Variants in ADAMTSL1 observed in about 807,000 individuals in gnomAD.
The protein encoded by ADAMTSL1 is ADAMTS-like protein 1.
A neutral mutation model predicts 201.8 loss-of-function variants in ADAMTSL1; 126 were observed. That is an observed-to-expected ratio of 0.62 (90% CI 0.54 to 0.72). ADAMTSL1 has a LOEUF of 0.72. Among genes scored for constraint, ADAMTSL1 ranks in the 30% least tolerant of loss-of-function variants. ADAMTSL1 has a pLI of 0.00. For synonymous variants in ADAMTSL1, 1,121 were observed against 903.4 expected (o/e 1.24, Z -4.32); for missense variants, 2,679 against 2,277.8 (o/e 1.18, Z -3.59).
chr9:18,776,627 G>A (rs1297745278), intron 18 of ADAMTSL1, among the ~76,000 whole-genome samples, 154 bp from the exon 19 acceptor site: 1 of 152,194 alleles, frequency 6.6e-6, no homozygotes. Flanking sequence ...AAACCCCGAA[G>A]AATACTTTCT....
chr9:17,943,533 G>C (rs1234387648), intron 1 of ADAMTSL1, among the ~76,000 whole-genome samples: 1 of 152,036 alleles, frequency 6.6e-6, no homozygotes, highest in African/African-American at 2.4e-5. Context: ...TTTGATATTT[G>C]ATCTGGGCAT....
intron 2 of ADAMTSL1, among the ~76,000 whole-genome samples, chr9:18,352,203 T>C (rs1360534914): frequency 6.6e-6 from 1 of 152,242 alleles, no homozygotes; most frequent in Non-Finnish European, 1.5e-5. Flanking sequence ...ATACTATAGA[T>C]ACTGATGCTA....
intron 1 of ADAMTSL1, among the ~76,000 whole-genome samples, chr9:18,112,126 G>A (rs1825050615): frequency 6.6e-6 from 1 of 152,006 alleles, no homozygotes; most frequent in Non-Finnish European, 1.5e-5. Context: ...CCCTGTTCTA[G>A]GATCCTACTC....
intron 2 of ADAMTSL1, among the ~76,000 whole-genome samples, chr9:18,165,740 G>T (rs116880951): frequency 0.016 from 2,430 of 151,986 alleles, 39 homozygotes; most frequent in South Asian, 0.025. Flanking sequence ...CCCAATAAGT[G>T]TGTGAAATTC....
intron 4 of ADAMTSL1, among the ~76,000 whole-genome samples, chr9:18,596,466 A>T (rs1176739407): frequency 1.3e-5 from 2 of 152,142 alleles, no homozygotes; most frequent in Non-Finnish European, 2.9e-5. Context: ...AATGAAAGCC[A>T]ATATTTATTT....
At chr9:18,027,794 A>C (rs1345806825) in intron 1 of ADAMTSL1, among the ~76,000 whole-genome samples, 1 of 152,000 alleles carries the variant, frequency 6.6e-6, no homozygotes, top group Non-Finnish European at 1.5e-5. Flanking sequence ...TGCCTCAATG[A>C]TCTAATGCTG....
rs1047755308 is a variant in ADAMTSL1 at position 17,955,690 on chromosome 9, C to G, written c.87+48768C>G. On this transcript the variant is annotated intron_variant, in intron 1 of 29. Transcript: ENST00000680146. Reference sequence around the variant, plus strand: ...AGATGTTATCTGCATGTCAGTCACTCATTAGCCAATTCAGTTATTAGATTA... The same window carrying G: ...AGATGTTATCTGCATGTCAGTCACTGATTAGCCAATTCAGTTATTAGATTA... 2.6e-5 allele frequency among the ~76,000 whole-genome samples: 4 copies of G among 152,184 alleles called. No individual in the cohort carries two copies. In the East Asian group the frequency reaches 5.8e-4, roughly 22 times the overall value.
intron 13 of ADAMTSL1, among the ~76,000 whole-genome samples, chr9:18,689,195 G>C (rs532124437): frequency 6.6e-6 from 1 of 152,020 alleles, no homozygotes; most frequent in East Asian, 1.9e-4. Context: ...TTACTGACAG[G>C]TTTCCCATCT....
At chr9:17,927,301 C>T (rs2131308335) in intron 1 of ADAMTSL1, among the ~76,000 whole-genome samples, 1 of 152,110 alleles carries the variant, frequency 6.6e-6, no homozygotes, top group African/African-American at 2.4e-5. Flanking sequence ...TGTGTATGTA[C>T]ACATACATGT....
intron 4 of ADAMTSL1, among the ~76,000 whole-genome samples, chr9:18,589,967 T>C (rs1451152693): frequency 6.6e-6 from 1 of 152,240 alleles, no homozygotes; most frequent in Non-Finnish European, 1.5e-5. Flanking sequence ...TTCTGTTTGC[T>C]AGTATTTTGT....
At chr9:18,643,998 T>G (rs2132840581) in intron 7 of ADAMTSL1, among the ~76,000 whole-genome samples, 1 of 152,150 alleles carries the variant, frequency 6.6e-6, no homozygotes, top group East Asian at 1.9e-4. Context: ...ATATAAATTC[T>G]TCCAATTCAT....
chr9:18,825,219 C>G (rs1439475235), intron 21 of ADAMTSL1, among the ~76,000 whole-genome samples: 1 of 152,134 alleles, frequency 6.6e-6, no homozygotes, highest in Non-Finnish European at 1.5e-5. Context: ...CCTAAACTCT[C>G]AGGGCCTGTT....
At position 18,889,705 on chromosome 9, in the gene ADAMTSL1, G is replaced by T; in HGVS notation, c.4600G>T (p.Ala1534Ser). 6.3e-7 allele frequency: 1 copy of T among 1,575,392 alleles called. No homozygotes were observed. Residue 1534 changes from alanine to serine, a missense_variant, in exon 25 of 29, where the codon GCG becomes TCG. Coordinates refer to ENST00000380548, the MANE Select transcript of ADAMTSL1 (RefSeq NM_001040272.6). The stretch of plus-strand genomic sequence containing the variant: ...CCACTGCGCAGGGAAGGTTCGCCCT[G>T]CGGTGCAGCCCATCGCGTGCAACCG... ...PAHCAGKVRP[A>S]VQPIACNRRD...
chr9:17,928,995 A>C (rs1324187008), intron 1 of ADAMTSL1, among the ~76,000 whole-genome samples: 1 of 152,020 alleles, frequency 6.6e-6, no homozygotes, highest in Non-Finnish European at 1.5e-5. Flanking sequence ...TCCTGAGTGC[A>C]TGTGTGGGTG....
chr9:18,028,624 C>G (rs1381463576), intron 1 of ADAMTSL1, among the ~76,000 whole-genome samples: 1 of 152,114 alleles, frequency 6.6e-6, no homozygotes. Flanking sequence ...GTCTATATCT[C>G]TGTTTTGGTA....
intron 2 of ADAMTSL1, among the ~76,000 whole-genome samples, chr9:18,451,248 T>G (rs1204163130): frequency 6.6e-6 from 1 of 152,220 alleles, no homozygotes; most frequent in Non-Finnish European, 1.5e-5. Context: ...GGTACCTCCA[T>G]GCATACCTCA....
At chr9:18,173,718 C>T (rs1828009121) in intron 2 of ADAMTSL1, among the ~76,000 whole-genome samples, 2 of 152,186 alleles carry the variant, frequency 1.3e-5, no homozygotes, top group South Asian at 4.1e-4. Flanking sequence ...CTCAGACAAC[C>T]TCTCAAATAC....
At chr9:18,860,189 A>G (rs1375723686) in intron 23 of ADAMTSL1, among the ~76,000 whole-genome samples, 2 of 152,240 alleles carry the variant, frequency 1.3e-5, no homozygotes. Context: ...AAGGTATTGA[A>G]TTCATCTTCC....
chr9:18,261,418 A>G (rs990140033), intron 2 of ADAMTSL1, among the ~76,000 whole-genome samples: 4 of 152,218 alleles, frequency 2.6e-5, no homozygotes, highest in African/African-American at 9.7e-5. Context: ...GCATTAGGCA[A>G]GTAAAGTGAT....
Sources: gnomAD v4.1 joint callset for allele counts (sites outside exome capture counted in the v4.1 genomes callset) on GRCh38, gnomAD v4.1.1 for gene constraint, MANE v1.5 for transcripts, NCBI Gene and HGNC (gene_info 2026-07-23, HGNC 2026-07-21) for gene names.